Variants in RAB8B observed in about 807,000 individuals in gnomAD.
RAB8B encodes the protein RAB8B, member RAS oncogene family, also known as ras-related protein Rab-8B.
In RAB8B, 11 loss-of-function variants were observed where a neutral mutation model predicts 32.0. The ratio of observed to expected loss-of-function variants is 0.34; its 90% CI spans 0.22 to 0.57. RAB8B has a LOEUF of 0.57. RAB8B is among the 20% of genes least tolerant of loss of function. The pLI is 0.86. For missense variants in RAB8B, 190 were observed against 258.5 expected (o/e 0.73, Z 1.82); for synonymous variants, 103 against 89.6 (o/e 1.15, Z -0.85).
At chr15:63,218,743 C>T (rs567062604) in intron 1 of RAB8B, among the ~76,000 whole-genome samples, 6 of 152,182 alleles carry the variant, frequency 3.9e-5, no homozygotes, top group South Asian at 2.1e-4. Flanking sequence ...CAGGAATTCC[C>T]GGCAATGTCA....
rs1266020802 is a variant in RAB8B at position 63,264,084 on chromosome 15, A to G, written c.*465A>G. ...TATTTGGTCTGGTTCATATGGTCAA[A>G]TATTACTGCCTTGGTAGCATTTATT... On this transcript the variant is annotated 3_prime_UTR_variant, in exon 8 of 8. Transcript: ENST00000321437. 1 of 153,392 alleles carries G rather than the reference A, an allele frequency of 6.5e-6. No homozygotes were observed. The highest frequency in any genetic ancestry group is 1.5e-5 in the Non-Finnish European group (1 of 68,302). 9.5% of individuals were successfully genotyped at this position (153,392 alleles called of 1,614,324 possible).
At chr15:63,214,107 T>G (rs2037771134) in intron 1 of RAB8B, among the ~76,000 whole-genome samples, 2 of 151,926 alleles carry the variant, frequency 1.3e-5, no homozygotes, top group Admixed American at 6.6e-5. Flanking sequence ...TGGTTTCGTT[T>G]GCTATACCAA....
intron 1 of RAB8B, among the ~76,000 whole-genome samples, chr15:63,199,336 C>A (rs770187467): frequency 2.0e-5 from 3 of 152,152 alleles, no homozygotes; most frequent in Non-Finnish European, 4.4e-5. Context: ...CCTTTGACTT[C>A]GATTTTTCTC....
intron 1 of RAB8B, among the ~76,000 whole-genome samples, chr15:63,233,490 A>G (rs1385816472): frequency 6.6e-6 from 1 of 152,190 alleles, no homozygotes; most frequent in Admixed American, 6.5e-5. Flanking sequence ...CCATTTTTCT[A>G]ATTAGAGATT....
In RAB8B at chr15:63,264,439, G is replaced by C. The variant is rs554215213; in HGVS notation, c.*820G>C. On this transcript the variant is annotated 3_prime_UTR_variant, in exon 8 of 8. Coordinates refer to ENST00000321437, the MANE Select transcript of RAB8B (RefSeq NM_016530.3). ...ATCTGTTTCTATTTGTGAACTTCTT[G>C]AGCTGAAATTTTACGTGGGCTGAGA... 1 of 152,230 alleles carries C rather than the reference G, an allele frequency of 6.6e-6. No individual in the cohort carries two copies. The highest frequency in any genetic ancestry group is 6.5e-5 in the Admixed American group (1 of 15,292). The allele number at this position is 152,230 out of a possible 1,614,324, so 9.4% of individuals were successfully genotyped here. A position where few individuals can be genotyped will look rare whatever the true frequency, so the allele number is the denominator to read the frequency against.
At chr15:63,255,358 C>T in intron 3 of RAB8B, 149 bp from the exon 4 acceptor site, 1 of 513,740 alleles carries the variant, frequency 1.9e-6, no homozygotes, top group Non-Finnish European at 3.5e-6. Flanking sequence ...ATTTTTGTTT[C>T]TCTGTACTTT....
intron 1 of RAB8B, 105 bp from the exon 2 acceptor site, chr15:63,244,651 C>G: frequency 6.1e-6 from 5 of 818,010 alleles, no homozygotes; most frequent in South Asian, 1.6e-5. Context: ...TTCACATTTT[C>G]CAGTGCGTTG....
chr15:63,249,554 C>A, intron 2 of RAB8B, 91 bp from the exon 3 acceptor site: 1 of 1,210,704 alleles, frequency 8.3e-7, no homozygotes, highest in South Asian at 1.3e-5. Flanking sequence ...GCACCCTGAG[C>A]AGACTAGAAT....
At chr15:63,223,199 C>T (rs1024149887) in intron 1 of RAB8B, 9 of 377,742 alleles carry the variant, frequency 2.4e-5, no homozygotes, top group South Asian at 1.0e-4. Flanking sequence ...GCAACCTCCA[C>T]CTCCCGGGTT....
At chr15:63,242,845 C>T (rs2038043474) in intron 1 of RAB8B, among the ~76,000 whole-genome samples, 1 of 152,010 alleles carries the variant, frequency 6.6e-6, no homozygotes, top group Non-Finnish European at 1.5e-5. Flanking sequence ...ACAGTTTTTC[C>T]TCCAGGGACT....
chr15:63,247,671 C>T (rs1329100412), intron 2 of RAB8B, among the ~76,000 whole-genome samples: 1 of 152,184 alleles, frequency 6.6e-6, no homozygotes, highest in Non-Finnish European at 1.5e-5. Flanking sequence ...TGGCTAAGAA[C>T]GAGGCAGGGC....
chr15:63,218,672 G>A (rs1173012120), intron 1 of RAB8B, among the ~76,000 whole-genome samples: 5 of 152,122 alleles, frequency 3.3e-5, no homozygotes, highest in Admixed American at 6.5e-5. Flanking sequence ...CTTTTGTGAT[G>A]GGCGTTTCTC....
chr15:63,251,222 G>A (rs1024720150), intron 3 of RAB8B: 2 of 452,994 alleles, frequency 4.4e-6, no homozygotes, highest in African/African-American at 4.0e-5. Flanking sequence ...TGGAATCAAA[G>A]GGAAGGGGCT....
chr15:63,250,594 C>G (rs541341568), intron 3 of RAB8B, among the ~76,000 whole-genome samples: 3 of 152,096 alleles, frequency 2.0e-5, no homozygotes, highest in Admixed American at 2.0e-4. Context: ...ACTTTTATTG[C>G]TTTTTGGCTC....
intron 3 of RAB8B, among the ~76,000 whole-genome samples, chr15:63,252,551 A>G (rs1339348801): frequency 6.6e-6 from 1 of 152,028 alleles, no homozygotes; most frequent in Non-Finnish European, 1.5e-5. Context: ...CATATAAATG[A>G]TCTGGGTTGT....
chr15:63,211,526 G>A lies in RAB8B; in HGVS notation c.124+21778G>A, dbSNP rs147140219. On this transcript the variant is annotated intron_variant, in intron 1 of 7. Coordinates refer to ENST00000321437, the MANE Select transcript of RAB8B (RefSeq NM_016530.3). ...ACGCAAGACTTTAGAGAGAGCCATAGTTTGATATTTCCTTTATAAAGCTTC... is the reference window on the plus strand; with the variant it reads ...ACGCAAGACTTTAGAGAGAGCCATAATTTGATATTTCCTTTATAAAGCTTC... 1.7e-4 allele frequency among the ~76,000 whole-genome samples: 26 copies of A among 152,328 alleles called. 1 individual carries two copies. In the East Asian group the frequency reaches 3.7e-3, roughly 21 times the overall value.
At chr15:63,246,083 A>G (rs1020241282) in intron 2 of RAB8B, among the ~76,000 whole-genome samples, 2 of 152,158 alleles carry the variant, frequency 1.3e-5, no homozygotes, top group Non-Finnish European at 2.9e-5. Context: ...CATGTTAGCC[A>G]GCTGGTCTTG....
intron 1 of RAB8B, among the ~76,000 whole-genome samples, chr15:63,225,314 A>G (rs1356420358): frequency 2.0e-5 from 3 of 152,238 alleles, no homozygotes; most frequent in Non-Finnish European, 2.9e-5. Context: ...AGACTTGACC[A>G]GGACTATAGT....
intron 1 of RAB8B, among the ~76,000 whole-genome samples, chr15:63,219,449 T>C (rs1208976608): frequency 1.2e-5 from 1 of 81,428 alleles, no homozygotes; most frequent in East Asian, 2.0e-4. Flanking sequence ...CCAGACCAAC[T>C]TTTTTTTTTT....
Sources: allele counts gnomAD v4.1 joint callset (sites outside exome capture counted in the v4.1 genomes callset), GRCh38; gene constraint gnomAD v4.1.1; transcripts MANE v1.5; gene names NCBI Gene and HGNC (gene_info 2026-07-23, HGNC 2026-07-21).